Variants in LRMDA observed in about 807,000 individuals in gnomAD.
LRMDA encodes the protein leucine-rich melanocyte differentiation-associated protein.
A neutral mutation model predicts 29.8 loss-of-function variants in LRMDA; 18 were observed. The observed-to-expected ratio is 0.60, with a 90% CI of 0.42 to 0.90. The LOEUF (loss-of-function observed/expected upper bound fraction) is 0.90, where lower values mean the gene tolerates loss of function less well. Ranked by LOEUF, LRMDA falls within the 40% of genes least tolerant of loss-of-function variation. The pLI is 0.00. For missense variants in LRMDA, 273 were observed against 273.9 expected (o/e 1.00, Z 0.02); for synonymous variants, 125 against 109.4 (o/e 1.14, Z -0.89).
chr10:76,271,437 A>G (rs967276578), intron 5 of LRMDA, among the ~76,000 whole-genome samples: 1 of 152,022 alleles, frequency 6.6e-6, no homozygotes, highest in African/African-American at 2.4e-5. Flanking sequence ...ACCTTATAAA[A>G]TTTCCATGCT....
At chr10:75,618,399 T>C (rs1012010702) in intron 2 of LRMDA, among the ~76,000 whole-genome samples, 2 of 145,486 alleles carry the variant, frequency 1.4e-5, no homozygotes, top group Non-Finnish European at 3.0e-5. Context: ...TATATATATA[T>C]ATATATATCA....
At chr10:75,440,956 G>T (rs1844320177) in intron 2 of LRMDA, among the ~76,000 whole-genome samples, 1 of 152,124 alleles carries the variant, frequency 6.6e-6, no homozygotes, top group Non-Finnish European at 1.5e-5. Flanking sequence ...AGAATTGCTT[G>T]AACCTGGGAG....
At position 75,701,137 on chromosome 10, in the gene LRMDA, C is replaced by A. The variant is rs1162450492; in HGVS notation, c.131+262643C>A. The stretch of plus-strand genomic sequence containing the variant: ...GGCATTGGGAAGGGGAGTCCAAGGC[C>A]TTTGTGGTGGGCTGTGCTGTAGGAC... On this transcript the variant is annotated intron_variant, in intron 2 of 6. Coordinates refer to ENST00000611255, the MANE Select transcript of LRMDA (RefSeq NM_001305581.2). 2.0e-5 allele frequency among the ~76,000 whole-genome samples: 3 copies of A among 152,114 alleles called. No homozygotes were observed. The South Asian group carries it at 6.2e-4, about 32-fold the overall frequency.
intron 2 of LRMDA, among the ~76,000 whole-genome samples, chr10:76,008,965 T>TC (rs1847724478): frequency 1.3e-5 from 2 of 152,196 alleles, no homozygotes; most frequent in African/African-American, 4.8e-5. Flanking sequence ...CATAGATATA[T>TC]CAAGTTCCTT....
At chr10:76,047,944 C>T (rs1203868438) in intron 4 of LRMDA, among the ~76,000 whole-genome samples, 3 of 152,238 alleles carry the variant, frequency 2.0e-5, no homozygotes, top group African/African-American at 7.2e-5. Flanking sequence ...ACTTCTCAAC[C>T]ATGTGCTTTA....
intron 6 of LRMDA, among the ~76,000 whole-genome samples, chr10:76,386,417 C>T (rs1841660328): frequency 6.6e-6 from 1 of 152,198 alleles, no homozygotes; most frequent in Non-Finnish European, 1.5e-5. Flanking sequence ...CTGTCTTCTA[C>T]ATGGGGAAGT....
chr10:76,445,335 A>G (rs879848895), intron 6 of LRMDA, among the ~76,000 whole-genome samples: 6 of 152,126 alleles, frequency 3.9e-5, no homozygotes, highest in Non-Finnish European at 5.9e-5. Flanking sequence ...CTGCTATCCA[A>G]CCAGCACAGT....
At chr10:75,843,906 G>A (rs1844587538) in intron 2 of LRMDA, among the ~76,000 whole-genome samples, 1 of 152,146 alleles carries the variant, frequency 6.6e-6, no homozygotes. Flanking sequence ...AAAGCTCTGG[G>A]GAAAGGTGAG....
chr10:76,201,508 G>A (rs1031585965), intron 5 of LRMDA, among the ~76,000 whole-genome samples: 10 of 152,192 alleles, frequency 6.6e-5, no homozygotes, highest in South Asian at 2.1e-4. Context: ...TTCCAAATCC[G>A]TTGTCCAGCT....
intron 2 of LRMDA, among the ~76,000 whole-genome samples, chr10:75,961,053 A>T (rs1275176593): frequency 6.6e-6 from 1 of 152,204 alleles, no homozygotes; most frequent in East Asian, 1.9e-4. Flanking sequence ...GATGGGAAGG[A>T]ATACTGGAGC....
chr10:75,907,520 G>T (rs1002421939), intron 2 of LRMDA, among the ~76,000 whole-genome samples: 3 of 152,072 alleles, frequency 2.0e-5, no homozygotes, highest in Non-Finnish European at 4.4e-5. Context: ...CTCATTGGCC[G>T]CATCAATCAT....
chr10:75,884,245 T>TTGTGAGTGTGTGTG (rs1554831841), intron 2 of LRMDA, among the ~76,000 whole-genome samples: 10 of 109,510 alleles, frequency 9.1e-5, no homozygotes, highest in African/African-American at 3.2e-4. Context: ...GCAGGCGACT[T>TTGTGAGTGTGTGTG]TGTGTGTGTG....
At chr10:76,037,543 C>T (rs1848271179) in intron 3 of LRMDA, among the ~76,000 whole-genome samples, 1 of 152,238 alleles carries the variant, frequency 6.6e-6, no homozygotes, top group Admixed American at 6.5e-5. Context: ...GCTGCTACAG[C>T]ACAGTACCGT....
intron 2 of LRMDA, among the ~76,000 whole-genome samples, chr10:75,611,641 A>G (rs1230876603): frequency 2.0e-5 from 3 of 152,108 alleles, no homozygotes; most frequent in Non-Finnish European, 2.9e-5. Context: ...TCCTTTTGTG[A>G]CTGGCTTACT....
chr10:75,930,436 T>A (rs7070859), intron 2 of LRMDA, among the ~76,000 whole-genome samples: 2 of 151,782 alleles, frequency 1.3e-5, no homozygotes, highest in Admixed American at 6.6e-5. Context: ...AAATCTGGAC[T>A]TACTAGCTAA....
chr10:76,251,668 A>G (rs984633674), intron 5 of LRMDA, among the ~76,000 whole-genome samples: 1 of 152,190 alleles, frequency 6.6e-6, no homozygotes, highest in African/African-American at 2.4e-5. Flanking sequence ...ATTTGTCAAG[A>G]CAAAGGTTGA....
At chr10:75,718,940 G>A (rs1842533619) in intron 2 of LRMDA, among the ~76,000 whole-genome samples, 1 of 152,082 alleles carries the variant, frequency 6.6e-6, no homozygotes, top group African/African-American at 2.4e-5. Flanking sequence ...TCCTATCCTG[G>A]GTCTTAGTTG....
chr10:75,628,828 T>C (rs1280018308), intron 2 of LRMDA, among the ~76,000 whole-genome samples: 1 of 152,136 alleles, frequency 6.6e-6, no homozygotes, highest in African/African-American at 2.4e-5. Flanking sequence ...TTTCCAAAAG[T>C]CCACCTGAGT....
rs528654227 is a variant in LRMDA, at chr10:75,738,677, T to G, written c.132-297331T>G. Among the ~76,000 whole-genome samples, 7 of 152,312 alleles carry G rather than the reference T, an allele frequency of 4.6e-5. No homozygotes were observed. The South Asian group carries it at 1.2e-3, about 27-fold the overall frequency. Reference sequence around the variant, plus strand: ...CCTAATGGGGTTAAATCAAGTTCCATGACTCGAGGCAAGTGCCCCACGTTT... The same window carrying G: ...CCTAATGGGGTTAAATCAAGTTCCAGGACTCGAGGCAAGTGCCCCACGTTT... On this transcript the variant is annotated intron_variant, in intron 2 of 6. Transcript: ENST00000611255.
Sources: allele counts gnomAD v4.1 joint callset (sites outside exome capture counted in the v4.1 genomes callset), GRCh38; gene constraint gnomAD v4.1.1; transcripts MANE v1.5; gene names NCBI Gene and HGNC (gene_info 2026-07-23, HGNC 2026-07-21).